TENM1: variants seen among roughly 807,000 people sequenced by gnomAD.
The protein encoded by TENM1 is teneurin transmembrane protein 1.
TENM1 carries 35 observed loss-of-function variants against 174.8 expected under a neutral mutation model. That is an observed-to-expected ratio of 0.20 (90% CI 0.15 to 0.27). TENM1 has a LOEUF of 0.27. TENM1 is among the 10% of genes least tolerant of loss of function. The pLI is 1.00. For missense variants in TENM1, 1,633 were observed against 2,130.1 expected (o/e 0.77, Z 4.59); for synonymous variants, 781 against 798.7 (o/e 0.98, Z 0.37).
exon 25 of TENM1, chrX:124,420,671 T>A: frequency 8.3e-7 from 1 of 1,211,892 alleles, no homozygotes. Context: ...AGCAATCTCA[T>A]AAATGTTCAT....
the TENM1 span, among the ~76,000 whole-genome samples, chrX:125,064,508 A>C: frequency 9.0e-6 from 1 of 111,558 alleles, no homozygotes; most frequent in Non-Finnish European, 1.9e-5. Flanking sequence ...GCAGTTTACA[A>C]GTGAACAACT....
chrX:124,974,111 A>C, the TENM1 span, among the ~76,000 whole-genome samples: 167 of 111,765 alleles, frequency 1.5e-3, no homozygotes, highest in Middle Eastern at 4.6e-3. Context: ...ACTACTACTA[A>C]TAATAATAAA....
At chrX:124,583,356 G>C (rs1368712140) in intron 11 of TENM1, among the ~76,000 whole-genome samples, 1 of 111,690 alleles carries the variant, frequency 9.0e-6, no homozygotes, top group Non-Finnish European at 1.9e-5. Flanking sequence ...GGAATGATCA[G>C]ACAGCACCAT....
At chrX:125,083,086 C>T in the TENM1 span, among the ~76,000 whole-genome samples, 1 of 111,420 alleles carries the variant, frequency 9.0e-6, no homozygotes, top group Non-Finnish European at 1.9e-5. Flanking sequence ...CTATCTGGCA[C>T]ACTGTTGGCA....
the TENM1 span, among the ~76,000 whole-genome samples, chrX:125,106,645 G>A: frequency 1.8e-5 from 2 of 111,465 alleles, no homozygotes; most frequent in Middle Eastern, 4.6e-3. Flanking sequence ...TCCTGACCTC[G>A]TGATCCACCC....
In TENM1 at chrX:124,739,110, G is replaced by T. The variant is rs2053744048; in HGVS notation, c.536-1913C>A. Reference sequence around the variant, plus strand: ...TAATGGTATGCAACACAGCACAGTGGAAAGAGGAGAGGACTTGGACTGGGA... The same window carrying T: ...TAATGGTATGCAACACAGCACAGTGTAAAGAGGAGAGGACTTGGACTGGGA... On this transcript the variant is annotated intron_variant, in intron 3 of 31. Coordinates refer to ENST00000422452, the Ensembl canonical transcript of TENM1. Among the ~76,000 whole-genome samples the T allele has an allele frequency of 3.6e-5, 4 of 112,003 alleles. No homozygotes were observed. The South Asian group carries it at 1.5e-3, about 42-fold the overall frequency.
chrX:124,966,631 C>A (rs1450141355), upstream of TENM1, among the ~76,000 whole-genome samples: 6 of 103,741 alleles, frequency 5.8e-5, no homozygotes, highest in Non-Finnish European at 1.2e-4. Context: ...CACTGCACTC[C>A]AGCCTGGGCG....
chrX:124,720,452 C>T (rs2053285074), intron 4 of TENM1, among the ~76,000 whole-genome samples: 1 of 111,452 alleles, frequency 9.0e-6, no homozygotes, highest in Non-Finnish European at 1.9e-5. Context: ...TGAGTTGTCC[C>T]ACCCCTCCGG....
intron 3 of TENM1, among the ~76,000 whole-genome samples, chrX:124,742,036 T>G (rs2053812158): frequency 8.9e-6 from 1 of 112,078 alleles, no homozygotes; most frequent in Admixed American, 9.4e-5. Context: ...AAATAAATAT[T>G]GTCAGTATTA....
chrX:125,060,044 C>T, the TENM1 span, among the ~76,000 whole-genome samples: 2 of 109,416 alleles, frequency 1.8e-5, no homozygotes, highest in East Asian at 2.9e-4. Flanking sequence ...ACGCATGCTG[C>T]AACATCAACT....
At chrX:124,384,451 G>A (rs1463664475) in exon 30 of TENM1, 5 of 1,210,010 alleles carry the variant, frequency 4.1e-6, no homozygotes, top group South Asian at 3.5e-5. Context: ...CATCAGCATC[G>A]TATTCATAGA....
intron 19 of TENM1, among the ~76,000 whole-genome samples, chrX:124,501,007 AAAAG>A (rs1364934522): frequency 9.0e-6 from 1 of 111,454 alleles, no homozygotes; most frequent in East Asian, 2.8e-4. Flanking sequence ...AGGATAAGTT[AAAAG>A]AAATTCTTTA....
chrX:125,069,470 G>T, the TENM1 span, among the ~76,000 whole-genome samples: 1 of 111,612 alleles, frequency 9.0e-6, no homozygotes, highest in Non-Finnish European at 1.9e-5. Context: ...ATAAATACAG[G>T]TGTATTTTTG....
At chrX:124,774,564 A>C (rs1272710505) in intron 3 of TENM1, among the ~76,000 whole-genome samples, 1 of 111,779 alleles carries the variant, frequency 8.9e-6, no homozygotes, top group East Asian at 2.8e-4. Flanking sequence ...GTCAGTAGGA[A>C]AAAGGAAAAT....
In TENM1 at chrX:124,757,440, G is replaced by A. The variant is rs148855852; in HGVS notation, c.536-20243C>T. Among the ~76,000 whole-genome samples the A allele has an allele frequency of 4.0e-3, 446 of 112,600 alleles. 4 individuals are homozygous for A. The East Asian group carries it at 0.051, about 13-fold the overall frequency. On this transcript the variant is annotated intron_variant, in intron 3 of 31. Coordinates refer to ENST00000422452, the Ensembl canonical transcript of TENM1. ...GAAAGGGAACTCCCTGACCCCTTGC[G>A]CTTCCCGAGTGAGGCAATGCCTCGC... is the stretch of plus-strand genomic sequence containing the variant.
At chrX:124,656,180 A>T (rs964417555) in intron 6 of TENM1, among the ~76,000 whole-genome samples, 2 of 112,548 alleles carry the variant, frequency 1.8e-5, no homozygotes, top group African/African-American at 6.5e-5. Flanking sequence ...GTCATTTTTT[A>T]AAAATCTGAA....
intron 10 of TENM1, among the ~76,000 whole-genome samples, 151 bp downstream of exon 13, chrX:124,644,972 TCAGAAGAGACAAGAGCTCCG>T (rs2051119530): frequency 9.0e-6 from 1 of 111,416 alleles, no homozygotes; most frequent in Admixed American, 9.6e-5. Context: ...TTAGAATCTG[TCAGAAGAGACAAGAGCTCCG>T]CTGACCCAAA....
intron 1 of TENM1, among the ~76,000 whole-genome samples, chrX:124,909,579 C>G (rs1217796410): frequency 8.9e-6 from 1 of 112,118 alleles, no homozygotes; most frequent in Non-Finnish European, 1.9e-5. Flanking sequence ...TTTGTACCTC[C>G]TTTTGAAGTA....
intron 11 of TENM1, among the ~76,000 whole-genome samples, chrX:124,639,387 T>C (rs1376602339): frequency 8.9e-6 from 1 of 112,309 alleles, no homozygotes; most frequent in Non-Finnish European, 1.9e-5. Flanking sequence ...ATGTTAAGAC[T>C]TCTACAAAAC....
Sources: gnomAD v4.1 joint callset for allele counts (sites outside exome capture counted in the v4.1 genomes callset) on GRCh38, gnomAD v4.1.1 for gene constraint, MANE v1.5 for transcripts, NCBI Gene and HGNC (gene_info 2026-07-23, HGNC 2026-07-21) for gene names.